The following PELI2 variants were observed in gnomAD, a reference collection of about 807,000 sequenced individuals.
PELI2 encodes E3 ubiquitin-protein ligase pellino homolog 2.
A neutral mutation model predicts 42.3 loss-of-function variants in PELI2; 23 were observed. That is an observed-to-expected ratio of 0.54 (90% CI 0.39 to 0.77). The LOEUF is 0.77. Ranked by LOEUF, PELI2 falls within the 30% of genes least tolerant of loss-of-function variation. The pLI, the probability that PELI2 is intolerant of heterozygous loss-of-function variation, is 0.00. For synonymous variants in PELI2, 245 were observed against 212.2 expected, an observed-to-expected ratio of 1.15 and a Z score of -1.34; for missense variants, 463 against 553.2, an observed-to-expected ratio of 0.84 and a Z score of 1.64.
At chr14:56,240,597 T>C (rs747094594) in intron 2 of PELI2, among the ~76,000 whole-genome samples, 7 of 151,958 alleles carry the variant, frequency 4.6e-5, no homozygotes, top group Non-Finnish European at 1.0e-4. Context: ...TAGTCTGTAG[T>C]GGTAAGTGGA....
chr14:56,165,462 G>A (rs752415090), intron 1 of PELI2, among the ~76,000 whole-genome samples: 10 of 152,108 alleles, frequency 6.6e-5, no homozygotes, highest in Admixed American at 1.3e-4. Context: ...GTCTTCAAGC[G>A]CATATGTGAC....
At chr14:56,167,834 A>G (rs964099054) in intron 1 of PELI2, among the ~76,000 whole-genome samples, 2 of 152,082 alleles carry the variant, frequency 1.3e-5, no homozygotes, top group Non-Finnish European at 2.9e-5. Context: ...CTTGCTGGAT[A>G]TTTGAAAGGA....
In PELI2 at chr14:56,290,455, T is replaced by G; in HGVS notation, c.695T>G (p.Leu232Arg). The change falls in exon 5 of 6, where the codon CTG becomes CGG. Residue 232 changes from leucine (L) to arginine (R), a missense_variant and splice_region_variant. Physicochemically the swap from Leu to Arg is moderately radical, Grantham distance 102 (BLOSUM62 -2). Transcript: ENST00000267460. ...ETRSAQQRGK[L>R]VESETNVLQD... is the part of the protein sequence containing the mutation. ...AGGTCGGCCCAGCAACGAGGAAAGC[T>G]GGTGAGTGTGCTTCACTCTGCAAGT... 5 of 1,593,046 alleles carry G rather than the reference T, an allele frequency of 3.1e-6. No individual in the cohort carries two copies. In the South Asian group the frequency reaches 4.5e-5, roughly 14 times the overall value.
rs1594630584 is a variant in PELI2, at chr14:56,198,001, CACACACACA to C, written c.207+19538_207+19546del. On this transcript the variant is annotated intron_variant, in intron 2 of 5. Coordinates refer to ENST00000267460, the MANE Select transcript of PELI2 (RefSeq NM_021255.3). ...ACACACACACACACACACACACACACACACACACACACCCACCTCTTTGGTCCACTTCTC... is the reference window on the plus strand; with the variant it reads ...ACACACACACACACACACACACACACCACCCACCTCTTTGGTCCACTTCTC... 4.7e-5 allele frequency among the ~76,000 whole-genome samples: 7 copies of C among 147,688 alleles called. No individual in the cohort carries two copies. In the East Asian group the frequency reaches 6.1e-4, roughly 13 times the overall value.
rs564712899 is a variant in PELI2 at position 56,118,632 on chromosome 14, C to T, written c.-29C>T. 4.5e-6 allele frequency: 6 copies of T among 1,342,034 alleles called. No homozygotes were observed. The highest frequency in any genetic ancestry group is 3.5e-5 in the South Asian group (2 of 57,922). 83.1% of individuals were successfully genotyped at this position (1,342,034 alleles called of 1,614,324 possible). ...ATCGCGGCGGAGGCGGCGGCGTCGGCGGCGGCGTCGGCGGCCGAGCGGGGC... is the reference window on the plus strand; with the variant it reads ...ATCGCGGCGGAGGCGGCGGCGTCGGTGGCGGCGTCGGCGGCCGAGCGGGGC... On this transcript the variant is annotated 5_prime_UTR_variant, in exon 1 of 6. Transcript: ENST00000267460.
At chr14:56,143,695 T>C (rs536662725) in intron 1 of PELI2, among the ~76,000 whole-genome samples, 5 of 152,376 alleles carry the variant, frequency 3.3e-5, no homozygotes, top group African/African-American at 1.2e-4. Flanking sequence ...TAAATTGTTA[T>C]TTACTTTTTT....
chr14:56,184,074 C>T (rs2139676955), intron 2 of PELI2, among the ~76,000 whole-genome samples: 1 of 151,976 alleles, frequency 6.6e-6, no homozygotes, highest in East Asian at 1.9e-4. Flanking sequence ...AATTAAATAA[C>T]ATATTTGAGA....
At chr14:56,243,446 C>T (rs1888048407) in intron 2 of PELI2, among the ~76,000 whole-genome samples, 1 of 152,174 alleles carries the variant, frequency 6.6e-6, no homozygotes, top group Non-Finnish European at 1.5e-5. Context: ...GCCCCAGTTC[C>T]TGGCACTTTG....
chr14:56,173,830 A>G (rs1031918901), intron 1 of PELI2, among the ~76,000 whole-genome samples: 1 of 152,204 alleles, frequency 6.6e-6, no homozygotes, highest in African/African-American at 2.4e-5. Flanking sequence ...GGATGATCTC[A>G]TCTTGAGATC....
intron 2 of PELI2, among the ~76,000 whole-genome samples, chr14:56,194,108 G>A (rs769758025): frequency 2.6e-5 from 4 of 152,062 alleles, no homozygotes; most frequent in East Asian, 3.8e-4. Flanking sequence ...CTTGTACGTC[G>A]TAGGAAGCAC....
At chr14:56,146,371 C>G (rs10132500) in intron 1 of PELI2, among the ~76,000 whole-genome samples, 117 of 152,294 alleles carry the variant, frequency 7.7e-4, no homozygotes, top group African/African-American at 2.7e-3. Context: ...GTCTTCTTTA[C>G]ATATTGTGGA....
intron 2 of PELI2, among the ~76,000 whole-genome samples, chr14:56,268,901 C>T (rs189175978): frequency 4.1e-4 from 63 of 152,260 alleles, no homozygotes; most frequent in Non-Finnish European, 7.3e-4. Flanking sequence ...AGCTGCTACA[C>T]GGAGTCATTG....
chr14:56,231,800 A>G (rs1887583241), intron 2 of PELI2, among the ~76,000 whole-genome samples: 2 of 152,240 alleles, frequency 1.3e-5, no homozygotes, highest in African/African-American at 4.8e-5. Flanking sequence ...AAACCCTTCA[A>G]TAAATCAGTG....
At chr14:56,254,824 G>A (rs948160473) in intron 2 of PELI2, among the ~76,000 whole-genome samples, 9 of 152,128 alleles carry the variant, frequency 5.9e-5, no homozygotes, top group Non-Finnish European at 8.8e-5. Context: ...AAAAGTGGGC[G>A]AAGGATATGA....
At chr14:56,158,458 C>T (rs757407272) in intron 1 of PELI2, among the ~76,000 whole-genome samples, 23 of 152,220 alleles carry the variant, frequency 1.5e-4, no homozygotes, top group Non-Finnish European at 2.9e-4. Flanking sequence ...CCTCTCACCT[C>T]AGCCTCCCGA....
At chr14:56,237,317 T>C (rs1438260590) in intron 2 of PELI2, among the ~76,000 whole-genome samples, 1 of 152,194 alleles carries the variant, frequency 6.6e-6, no homozygotes, top group Non-Finnish European at 1.5e-5. Flanking sequence ...CTGTCTGCTT[T>C]CCACTACAGG....
rs533217447 is a variant in PELI2 at position 56,276,598 on chromosome 14, C to G, written c.208-3078C>G. On this transcript the variant is annotated intron_variant, in intron 2 of 5. Transcript: ENST00000267460. ...CTAGTTCCGAAGTTCCTCAGCCACC[C>G]ATGCTGCAGGGTGTGCATTACCTGC... 6.6e-5 allele frequency among the ~76,000 whole-genome samples: 10 copies of G among 152,296 alleles called. No individual in the cohort carries two copies. In the South Asian group the frequency reaches 1.0e-3, roughly 16 times the overall value.
intron 2 of PELI2, among the ~76,000 whole-genome samples, chr14:56,212,473 G>T (rs1245732278): frequency 6.6e-6 from 1 of 152,198 alleles, no homozygotes; most frequent in Non-Finnish European, 1.5e-5. Context: ...GCCTCCCTGG[G>T]ATTGGGGGGA....
At chr14:56,177,527 T>C (rs1043018780) in intron 1 of PELI2, among the ~76,000 whole-genome samples, 3 of 152,238 alleles carry the variant, frequency 2.0e-5, no homozygotes, top group Non-Finnish European at 2.9e-5. Context: ...GGGTCATCAG[T>C]AAGAACATAC....
Sources: allele counts gnomAD v4.1 joint callset (sites outside exome capture counted in the v4.1 genomes callset), GRCh38; gene constraint gnomAD v4.1.1; transcripts MANE v1.5; gene names NCBI Gene and HGNC (gene_info 2026-07-23, HGNC 2026-07-21).